TCF12: variants seen among roughly 807,000 people sequenced by gnomAD.
The protein encoded by TCF12 is transcription factor 12.
A neutral mutation model predicts 86.0 loss-of-function variants in TCF12; 45 were observed. The observed-to-expected ratio is 0.52, with a 90% CI of 0.41 to 0.67. The LOEUF (loss-of-function observed/expected upper bound fraction) is 0.67, where lower values mean the gene tolerates loss of function less well. Among genes scored for constraint, TCF12 ranks in the 30% least tolerant of loss-of-function variants. The pLI is 0.00. For missense variants in TCF12, 881 were observed against 859.9 expected (o/e 1.02, Z -0.31); for synonymous variants, 330 against 299.6 (o/e 1.10, Z -1.05).
chr15:57,043,876 A>G (rs545375516), intron 3 of TCF12, among the ~76,000 whole-genome samples: 1 of 152,244 alleles, frequency 6.6e-6, no homozygotes, highest in East Asian at 1.9e-4. Context: ...AAATGAAATT[A>G]TTATTAGTTT....
intron 3 of TCF12, among the ~76,000 whole-genome samples, chr15:57,053,889 T>C (rs1382866015): frequency 6.6e-6 from 1 of 152,212 alleles, no homozygotes; most frequent in Non-Finnish European, 1.5e-5. Context: ...TTTAGTTTTA[T>C]CCTGTAAACA....
rs2053618973 is a variant in TCF12 at position 57,149,869 on chromosome 15, A to T, written c.326-16533A>T. 3.3e-5 allele frequency among the ~76,000 whole-genome samples: 5 copies of T among 152,210 alleles called. No homozygotes were observed. The South Asian group carries it at 1.0e-3, about 31-fold the overall frequency. On this transcript the variant is annotated intron_variant, in intron 5 of 20. Transcript: ENST00000333725. ...GTAAAAATGGGTTTGCTAGAGAAAG[A>T]CTAGGAGAAAGCTTTTTTATTTTTT... is the stretch of plus-strand genomic sequence containing the variant.
At chr15:56,979,436 T>C (rs2062778682) in intron 3 of TCF12, among the ~76,000 whole-genome samples, 1 of 152,210 alleles carries the variant, frequency 6.6e-6, no homozygotes, top group South Asian at 2.1e-4. Flanking sequence ...ATTACTTGCT[T>C]GTTGTGAACC....
chr15:56,968,262 T>C (rs1405712980), intron 3 of TCF12, among the ~76,000 whole-genome samples: 1 of 152,138 alleles, frequency 6.6e-6, no homozygotes, highest in African/African-American at 2.4e-5. Flanking sequence ...CAGTCAAGAA[T>C]GTAATTTTGA....
intron 3 of TCF12, among the ~76,000 whole-genome samples, chr15:56,930,050 T>C (rs377684282): frequency 9.9e-5 from 15 of 152,248 alleles, no homozygotes; most frequent in African/African-American, 3.6e-4. Context: ...AATTACTCTT[T>C]CATCACTTCA....
At chr15:57,089,990 G>A (rs1362173349) in intron 4 of TCF12, among the ~76,000 whole-genome samples, 1 of 152,138 alleles carries the variant, frequency 6.6e-6, no homozygotes, top group Admixed American at 6.5e-5. Context: ...CAAGGCTGGA[G>A]GGTCTCTTGA....
At chr15:57,030,061 T>G (rs1349959127) in intron 3 of TCF12, among the ~76,000 whole-genome samples, 1 of 108,604 alleles carries the variant, frequency 9.2e-6, no homozygotes, top group Non-Finnish European at 1.8e-5. Context: ...TGTATGAACA[T>G]AAGTTTTCAT....
chr15:57,155,671 T>A (rs2054065953), intron 5 of TCF12, among the ~76,000 whole-genome samples: 1 of 152,156 alleles, frequency 6.6e-6, no homozygotes, highest in Non-Finnish European at 1.5e-5. Flanking sequence ...TGTGTGTGCC[T>A]GTAGTCCTAG....
At chr15:57,022,637 G>A (rs1383042684) in intron 3 of TCF12, among the ~76,000 whole-genome samples, 8 of 152,112 alleles carry the variant, frequency 5.3e-5, no homozygotes, top group African/African-American at 1.7e-4. Context: ...TTGTGGAATC[G>A]CCACCACTGT....
At chr15:57,229,867 AG>A (rs2059052529) in intron 8 of TCF12, among the ~76,000 whole-genome samples, 2 of 152,052 alleles carry the variant, frequency 1.3e-5, no homozygotes, top group South Asian at 4.1e-4. Context: ...GTAATTTGCA[AG>A]GGGTCTTTAC....
chr15:57,131,289 A>G (rs1456579569), intron 5 of TCF12, among the ~76,000 whole-genome samples: 1 of 152,144 alleles, frequency 6.6e-6, no homozygotes, highest in Non-Finnish European at 1.5e-5. Flanking sequence ...ATTTCTGGTG[A>G]ATGGGTGTAA....
At position 57,262,976 on chromosome 15, in the gene TCF12, C is replaced by A. The variant is rs531355280; in HGVS notation, c.1583-136C>A. The A allele has an allele frequency of 6.2e-4, 508 of 824,758 alleles. 2 individuals are homozygous for A. The highest frequency in any genetic ancestry group is 5.0e-4 in the Non-Finnish European group (270 of 540,530). 51.1% of individuals were successfully genotyped at this position (824,758 alleles called of 1,614,324 possible). On this transcript the variant is annotated intron_variant, in intron 17 of 20. Coordinates refer to ENST00000333725, the MANE Select transcript of TCF12 (RefSeq NM_207037.2). ...TTTTCAGCTCTAAATAGTATACTTT[C>A]CTACATCTTCAAACCTCCATCATAA...
chr15:56,932,541 G>A (rs766049112), intron 3 of TCF12, among the ~76,000 whole-genome samples: 13 of 151,950 alleles, frequency 8.6e-5, no homozygotes, highest in Non-Finnish European at 1.8e-4. Context: ...CTCCAAAAGT[G>A]CTTCAAGATT....
At chr15:57,170,400 C>T (rs1193048094) in intron 6 of TCF12, among the ~76,000 whole-genome samples, 3 of 151,330 alleles carry the variant, frequency 2.0e-5, no homozygotes, top group African/African-American at 7.3e-5. Context: ...CAAGTCTCAT[C>T]TCTACATTGA....
chr15:57,269,595 CATT>C (rs1409660705), intron 18 of TCF12, among the ~76,000 whole-genome samples: 1 of 152,000 alleles, frequency 6.6e-6, no homozygotes, highest in African/African-American at 2.4e-5. Context: ...TTGATCCTGT[CATT>C]ATGATGCTAC....
downstream of TCF12, among the ~76,000 whole-genome samples, chr15:57,291,296 C>G (rs1385269769): frequency 6.6e-6 from 1 of 151,590 alleles, no homozygotes; most frequent in Non-Finnish European, 1.5e-5. Flanking sequence ...AATGTAAATC[C>G]TATGTAAATC....
chr15:57,106,243 A>G (rs2050124581), intron 5 of TCF12, among the ~76,000 whole-genome samples: 1 of 152,226 alleles, frequency 6.6e-6, no homozygotes, highest in African/African-American at 2.4e-5. Flanking sequence ...AAAATAGTGA[A>G]ATTCTAATAA....
chr15:57,170,033 A>T (rs184267749), intron 6 of TCF12, among the ~76,000 whole-genome samples: 97 of 152,350 alleles, frequency 6.4e-4, no homozygotes, highest in African/African-American at 2.3e-3. Context: ...CAGCCATTGA[A>T]CTAAACATAA....
At chr15:56,948,555 A>G (rs1187644157) in intron 3 of TCF12, among the ~76,000 whole-genome samples, 1 of 152,228 alleles carries the variant, frequency 6.6e-6, no homozygotes, top group African/African-American at 2.4e-5. Context: ...GAGAATGTTT[A>G]AACTGGAGTG....
Sources: gnomAD v4.1 joint callset for allele counts (sites outside exome capture counted in the v4.1 genomes callset) on GRCh38, gnomAD v4.1.1 for gene constraint, MANE v1.5 for transcripts, NCBI Gene and HGNC (gene_info 2026-07-23, HGNC 2026-07-21) for gene names.